The following PCDHGB7 variants were observed in gnomAD, a reference collection of about 807,000 sequenced individuals.
The protein encoded by PCDHGB7 is protocadherin gamma-B7.
In PCDHGB7, 37 loss-of-function variants were observed where a neutral mutation model predicts 61.4. The observed-to-expected ratio is 0.60, with a 90% CI of 0.46 to 0.79. The LOEUF is 0.79. Ranked by LOEUF, PCDHGB7 falls within the 30% of genes least tolerant of loss-of-function variation. The probability of loss-of-function intolerance (pLI) is 0.00; values close to 1 mark genes in which losing one functional copy is unlikely to be tolerated. For missense variants in PCDHGB7, 1,166 were observed against 1,202.5 expected (o/e 0.97, Z 0.45); for synonymous variants, 464 against 503.5 (o/e 0.92, Z 1.05).
rs989725231 is a variant in PCDHGB7, at chr5:141,418,693, T to C, written c.834T>C (p.Thr278=). The part of the protein sequence containing the change: ...DQDEGINSEI[T]YSFFGVADKA... ...ACGAGGGCATCAACTCAGAGATCAC[T>C]TATTCCTTCTTTGGTGTGGCTGACA... Residue 278 remains threonine (T), a synonymous_variant, in exon 1 of 4, where the codon ACT becomes ACC. Transcript: ENST00000398594. The C allele has an allele frequency of 6.2e-7, 1 of 1,613,922 alleles. No homozygotes were observed. Among genetic ancestry groups the C allele is most frequent in the South Asian group, 1.1e-5 (1 of 91,090 alleles).
chr5:141,491,227 C>T lies in PCDHGB7; in HGVS notation c.2416-3580C>T. 6.2e-7 allele frequency: 1 copy of T among 1,614,216 alleles called. No homozygotes were observed. The highest frequency in any genetic ancestry group is 8.5e-7 in the Non-Finnish European group (1 of 1,180,018). On this transcript the variant is annotated intron_variant, in intron 1 of 3. Coordinates refer to ENST00000398594, the MANE Select transcript of PCDHGB7 (RefSeq NM_018927.4). The surrounding 1 kb of genome is among the most constrained non-coding windows in gnomAD (Gnocchi z 6.9). Reference sequence around the variant, plus strand: ...TTCACTCTCCTCCACAGCCACAGTGCTGCTGGTTCTGGAGGATGAGGACCC... The same window carrying T: ...TTCACTCTCCTCCACAGCCACAGTGTTGCTGGTTCTGGAGGATGAGGACCC...
At position 141,485,293 on chromosome 5, in the gene PCDHGB7, G is replaced by A. The variant is rs1356836741; in HGVS notation, c.2416-9514G>A. On this transcript the variant is annotated intron_variant, in intron 1 of 3. Transcript: ENST00000398594. The surrounding 1 kb of genome is among the most constrained non-coding windows in gnomAD (Gnocchi z 5.7). ...GCTACCCGGTCCCAGAGGAGTCACA[G>A]GAAGGGACTTTTGTAGGGAATGTCG... 1 of 1,614,170 alleles carries A rather than the reference G, an allele frequency of 6.2e-7. No individual in the cohort carries two copies.
At chr5:141,448,069 T>C (rs1184496754) in intron 1 of PCDHGB7, among the ~76,000 whole-genome samples, 1 of 151,202 alleles carries the variant, frequency 6.6e-6, no homozygotes, top group Non-Finnish European at 1.5e-5. Context: ...CTGGGCAACA[T>C]GAACGAAATG....
At chr5:141,462,271 G>C (rs2099036316) in intron 1 of PCDHGB7, among the ~76,000 whole-genome samples, 1 of 152,174 alleles carries the variant, frequency 6.6e-6, no homozygotes, top group African/African-American at 2.4e-5. Context: ...AAAGTGTATT[G>C]TTTAGTCACC....
Position 141,491,401 on chromosome 5 carries a change from G to T in PCDHGB7, c.2416-3406G>T, listed in dbSNP as rs1442005704. ...GTCAGCGAAGTGCCTTCAGGGAAAC[G>T]CAGACGGGGACGGGGGTGGAGGGCA... On this transcript the variant is annotated intron_variant, in intron 1 of 3. Coordinates refer to ENST00000398594, the MANE Select transcript of PCDHGB7 (RefSeq NM_018927.4). The surrounding 1 kb of genome is among the most constrained non-coding windows in gnomAD (Gnocchi z 6.9). 1.2e-6 allele frequency: 2 copies of T among 1,614,102 alleles called. No homozygotes were observed. Among genetic ancestry groups the T allele is most frequent in the Non-Finnish European group, 1.7e-6 (2 of 1,179,990 alleles).
chr5:141,458,018 A>G (rs1361716104), intron 1 of PCDHGB7, among the ~76,000 whole-genome samples: 1 of 152,188 alleles, frequency 6.6e-6, no homozygotes, highest in Admixed American at 6.5e-5. Flanking sequence ...GGTTTTTCCA[A>G]TTGTGTTCTG....
intron 1 of PCDHGB7, among the ~76,000 whole-genome samples, chr5:141,444,150 GGATT>G (rs2098419499): frequency 1.8e-5 from 2 of 114,014 alleles, no homozygotes; most frequent in Non-Finnish European, 1.7e-5. Flanking sequence ...TGTGTGTACT[GGATT>G]TTTTTTTTTT....
At position 141,485,971 on chromosome 5, in the gene PCDHGB7, C is replaced by T; in HGVS notation, c.2416-8836C>T. On this transcript the variant is annotated intron_variant, in intron 1 of 3. Transcript: ENST00000398594. This position sits in a 1 kb window ranked among gnomAD's most constrained non-coding sequence, Gnocchi z 5.7. Reference sequence around the variant, plus strand: ...GCATGGTGCTCATCCAGCTCAATGCCTCAGACCCGGACCTGGGTCCCAGTG... The same window carrying T: ...GCATGGTGCTCATCCAGCTCAATGCTTCAGACCCGGACCTGGGTCCCAGTG... The T allele has an allele frequency of 6.2e-7, 1 of 1,614,196 alleles. No individual in the cohort carries two copies. The highest frequency in any genetic ancestry group is 8.5e-7 in the Non-Finnish European group (1 of 1,180,042).
chr5:141,453,116 GT>G (rs2098756689), intron 1 of PCDHGB7, among the ~76,000 whole-genome samples: 1 of 151,698 alleles, frequency 6.6e-6, no homozygotes, highest in Admixed American at 6.6e-5. Context: ...GTTTTGTTTT[GT>G]TTTGTTTTGT....
chr5:141,461,269 TTC>T (rs1316205976), intron 1 of PCDHGB7, among the ~76,000 whole-genome samples: 4 of 152,186 alleles, frequency 2.6e-5, no homozygotes, highest in Admixed American at 2.0e-4. Flanking sequence ...TGTGTAAGTG[TTC>T]TCTTTTCCCC....
chr5:141,494,953 T>G, intron 2 of PCDHGB7, 88 bp downstream of exon 2: 1 of 1,604,164 alleles, frequency 6.2e-7, no homozygotes, highest in Non-Finnish European at 8.5e-7. Flanking sequence ...GCCCAGCATT[T>G]GCTACAGATG....
At chr5:141,459,863 G>A (rs182099511) in intron 1 of PCDHGB7, among the ~76,000 whole-genome samples, 2 of 152,242 alleles carry the variant, frequency 1.3e-5, no homozygotes, top group East Asian at 1.9e-4. Context: ...TGAAGCATTC[G>A]TTCATCTTTA....
rs374140638 is a variant in PCDHGB7 at position 141,487,759 on chromosome 5, C to T, written c.2416-7048C>T. ...TTGTAAGAGGTAACTATGTGGTAGA[C>T]GCTGTGCTTTGTAACTGTTTCGTGA... On this transcript the variant is annotated intron_variant, in intron 1 of 3. Transcript: ENST00000398594. The surrounding 1 kb of genome is among the most constrained non-coding windows in gnomAD (Gnocchi z 5.0). 45 of 1,546,278 alleles carry T rather than the reference C, an allele frequency of 2.9e-5. No individual in the cohort carries two copies. The highest frequency in any genetic ancestry group is 1.1e-4 in the African/African-American group (8 of 73,160).
At position 141,485,227 on chromosome 5, in the gene PCDHGB7, G is replaced by C. The variant is rs2099609828; in HGVS notation, c.2416-9580G>C. 1 of 1,614,186 alleles carries C rather than the reference G, an allele frequency of 6.2e-7. No individual in the cohort carries two copies. Among genetic ancestry groups the C allele is most frequent in the Non-Finnish European group, 8.5e-7 (1 of 1,180,020 alleles). On this transcript the variant is annotated intron_variant, in intron 1 of 3. Transcript: ENST00000398594. The surrounding 1 kb of genome is among the most constrained non-coding windows in gnomAD (Gnocchi z 5.7). The stretch of plus-strand genomic sequence containing the variant: ...AAATCTGGCGGTGGGCTACCCTTTT[G>C]TTCCTCTTTTACCACCTGGGTTACG...
rs781655205 is a variant in PCDHGB7, at chr5:141,418,147, C to T, written c.288C>T (p.Cys96=). The change falls in exon 1 of 4, where the codon TGC becomes TGT. Residue 96 remains cysteine, a synonymous_variant. Transcript: ENST00000398594. ...VKDRIDREQI[C]KERRRCELQL... ...ACCGAATAGACCGTGAGCAAATATG[C>T]AAAGAGAGAAGAAGATGTGAGTTGC... 3 of 1,614,040 alleles carry T rather than the reference C, an allele frequency of 1.9e-6. No individual in the cohort carries two copies. Among genetic ancestry groups the T allele is most frequent in the Admixed American group, 3.3e-5 (2 of 60,030 alleles).
chr5:141,422,670 C>T, intron 1 of PCDHGB7: 1 of 1,607,244 alleles, frequency 6.2e-7, no homozygotes, highest in Non-Finnish European at 8.5e-7. Flanking sequence ...TCGACCCGGA[C>T]AGCAAACAGA....
At position 141,477,591 on chromosome 5, in the gene PCDHGB7, T is replaced by C; in HGVS notation, c.2416-17216T>C. On this transcript the variant is annotated intron_variant, in intron 1 of 3. Coordinates refer to ENST00000398594, the MANE Select transcript of PCDHGB7 (RefSeq NM_018927.4). This position sits in a 1 kb window ranked among gnomAD's most constrained non-coding sequence, Gnocchi z 4.9. Reference sequence around the variant, plus strand: ...CCCGACGCCCCGCAGAATGCTCGGCTTTCTTTCTTTCTCTTGGAGCAAGGA... The same window carrying C: ...CCCGACGCCCCGCAGAATGCTCGGCCTTCTTTCTTTCTCTTGGAGCAAGGA... The C allele has an allele frequency of 6.2e-7, 1 of 1,614,136 alleles. No homozygotes were observed. The highest frequency in any genetic ancestry group is 8.5e-7 in the Non-Finnish European group (1 of 1,180,016).
intron 1 of PCDHGB7, among the ~76,000 whole-genome samples, chr5:141,469,414 A>C (rs1455286338): frequency 1.3e-5 from 2 of 152,118 alleles, no homozygotes; most frequent in Non-Finnish European, 2.9e-5. Flanking sequence ...GTTTCTACTA[A>C]AAATATAAAA....
At chr5:141,492,527 G>A (rs1000672383) in intron 1 of PCDHGB7, among the ~76,000 whole-genome samples, 1 of 152,184 alleles carries the variant, frequency 6.6e-6, no homozygotes, top group African/African-American at 2.4e-5. Flanking sequence ...TCTCCCACCT[G>A]CGCCCCGGGC....
Sources: gnomAD v4.1 joint callset for allele counts (sites outside exome capture counted in the v4.1 genomes callset) on GRCh38, gnomAD v4.1.1 for gene constraint, Gnocchi (gnomAD v3.1) non-coding constraint, MANE v1.5 for transcripts, NCBI Gene and HGNC (gene_info 2026-07-23, HGNC 2026-07-21) for gene names.